CDKAL1: variants seen among roughly 807,000 people sequenced by gnomAD.
The protein encoded by CDKAL1 is CDKAL1 threonylcarbamoyladenosine tRNA methylthiotransferase.
In CDKAL1, 32 loss-of-function variants were observed where a neutral mutation model predicts 68.2. The ratio of observed to expected loss-of-function variants is 0.47; its 90% CI spans 0.35 to 0.63. CDKAL1 has a LOEUF of 0.63. Among genes scored for constraint, CDKAL1 ranks in the 30% least tolerant of loss-of-function variants. The pLI is 0.00. For synonymous variants in CDKAL1, 234 were observed against 244.3 expected, an observed-to-expected ratio of 0.96 and a Z score of 0.39; for missense variants, 606 against 696.7, an observed-to-expected ratio of 0.87 and a Z score of 1.47.
intron 4 of CDKAL1, 139 bp from the exon 5 acceptor site, chr6:20,649,154 T>G (rs767809045): frequency 6.4e-6 from 4 of 624,002 alleles, no homozygotes; most frequent in Non-Finnish European, 1.1e-5. Context: ...TTCTAGCAAT[T>G]TTCTACTGTG....
chr6:20,678,384 G>A (rs1770222542), intron 5 of CDKAL1, among the ~76,000 whole-genome samples: 1 of 152,096 alleles, frequency 6.6e-6, no homozygotes, highest in African/African-American at 2.4e-5. Flanking sequence ...TTTAATTTTA[G>A]TCATTCTGAA....
chr6:21,157,634 C>T (rs1026880221), intron 13 of CDKAL1, among the ~76,000 whole-genome samples: 2 of 152,190 alleles, frequency 1.3e-5, no homozygotes, highest in African/African-American at 2.4e-5. Context: ...GTTTGTTCCT[C>T]GTCATCCTAA....
rs146873827 is a variant in CDKAL1, at chr6:21,061,178, A to G, written c.1056-3870A>G. Among the ~76,000 whole-genome samples the G allele has an allele frequency of 2.2e-4, 33 of 152,270 alleles. No individual in the cohort carries two copies. The East Asian group carries it at 4.6e-3, about 21-fold the overall frequency. On this transcript the variant is annotated intron_variant, in intron 11 of 15. Transcript: ENST00000274695. ...TGCCTGTTCCTTACATGTCCCTGAT[A>G]TATCTTTACAAGTAATCATAGCACT... is the stretch of plus-strand genomic sequence containing the variant.
intron 9 of CDKAL1, among the ~76,000 whole-genome samples, chr6:20,854,630 A>G (rs993550517): frequency 6.6e-6 from 1 of 152,226 alleles, no homozygotes; most frequent in Non-Finnish European, 1.5e-5. Flanking sequence ...CAAGTTTGTT[A>G]CATTTGTTCA....
intron 11 of CDKAL1, among the ~76,000 whole-genome samples, chr6:21,036,535 G>T (rs899703155): frequency 3.9e-5 from 6 of 152,170 alleles, no homozygotes; most frequent in African/African-American, 1.4e-4. Context: ...ATGAGATTCA[G>T]ATATTTTCCA....
At position 20,644,671 on chromosome 6, in the gene CDKAL1, A is replaced by G. The variant is rs1400703823; in HGVS notation, c.287-4622A>G. On this transcript the variant is annotated intron_variant, in intron 4 of 15. Transcript: ENST00000274695. The stretch of plus-strand genomic sequence containing the variant: ...CAACAGAGCGAGACTCCGTCTCAAA[A>G]CAAAAACAAAAACAAAAACACAACA... 2.0e-5 allele frequency among the ~76,000 whole-genome samples: 3 copies of G among 146,864 alleles called. No homozygotes were observed. The East Asian group carries it at 5.8e-4, about 28-fold the overall frequency.
In CDKAL1 at chr6:21,230,983, G is replaced by A. The variant is rs769795415; in HGVS notation, c.1684G>A (p.Val562Met). The A allele has an allele frequency of 1.8e-5, 29 of 1,613,130 alleles. No individual in the cohort carries two copies. Among genetic ancestry groups the A allele is most frequent in the African/African-American group, 6.7e-5 (5 of 75,044 alleles). The change falls in exon 16 of 16, where the codon GTG (valine) becomes ATG (methionine). Residue 562 changes from valine to methionine, a missense_variant. Val to Met is a conservative substitution (Grantham distance 21, BLOSUM62 1). Coordinates refer to ENST00000274695, the MANE Select transcript of CDKAL1 (RefSeq NM_017774.3). The stretch of plus-strand genomic sequence containing the variant: ...TCAAGACTGTGCGCTGAGGATGTCC[G>A]TGGGCTTGGCTCTGCTGGGTCTTCT... ...LHQDCALRMS[V>M]GLALLGLLFA...
intron 5 of CDKAL1, among the ~76,000 whole-genome samples, chr6:20,703,371 TA>T (rs1474600101): frequency 6.6e-6 from 1 of 152,176 alleles, no homozygotes; most frequent in Non-Finnish European, 1.5e-5. Context: ...TCACAAAATC[TA>T]AAATATTTAT....
intron 7 of CDKAL1, among the ~76,000 whole-genome samples, chr6:20,768,928 A>G (rs567431839): frequency 6.6e-6 from 1 of 152,094 alleles, no homozygotes; most frequent in East Asian, 1.9e-4. Context: ...AATCCAGACT[A>G]TTGGGAAACT....
chr6:20,910,007 A>G (rs867835558), intron 9 of CDKAL1, among the ~76,000 whole-genome samples: 4 of 152,194 alleles, frequency 2.6e-5, no homozygotes, highest in African/African-American at 7.2e-5. Context: ...CTACATTCTC[A>G]TATTCTAAAT....
intron 11 of CDKAL1, among the ~76,000 whole-genome samples, chr6:21,011,677 G>T (rs1768029976): frequency 6.6e-6 from 1 of 152,154 alleles, no homozygotes; most frequent in Non-Finnish European, 1.5e-5. Context: ...AATCCAGTAT[G>T]CAAGGAACAT....
chr6:20,623,744 A>C (rs1297281491), intron 4 of CDKAL1, among the ~76,000 whole-genome samples: 1 of 152,030 alleles, frequency 6.6e-6, no homozygotes, highest in East Asian at 1.9e-4. Flanking sequence ...TTATCAGTCT[A>C]TTTTGATGTG....
chr6:20,668,273 G>A (rs765421807), intron 5 of CDKAL1, among the ~76,000 whole-genome samples: 28 of 151,960 alleles, frequency 1.8e-4, no homozygotes, highest in Admixed American at 1.5e-3. Flanking sequence ...CGACTTTTTT[G>A]GTAATAATTG....
intron 4 of CDKAL1, among the ~76,000 whole-genome samples, chr6:20,624,575 A>G (rs1168267692): frequency 1.3e-5 from 2 of 151,968 alleles, no homozygotes; most frequent in African/African-American, 4.8e-5. Context: ...TGCTACCACC[A>G]TGAGCCCCAC....
chr6:21,162,742 T>G (rs1351290927), intron 13 of CDKAL1, among the ~76,000 whole-genome samples: 1 of 151,558 alleles, frequency 6.6e-6, no homozygotes, highest in Non-Finnish European at 1.5e-5. Flanking sequence ...CTGGGCAACA[T>G]AGCAAGACCT....
intron 4 of CDKAL1, chr6:20,599,234 T>A (rs1263362720): frequency 3.4e-5 from 10 of 296,922 alleles, no homozygotes; most frequent in Non-Finnish European, 6.6e-5. Flanking sequence ...TTTATCACAT[T>A]TTAAAAAGTA....
chr6:20,913,490 T>C (rs996916033), intron 9 of CDKAL1, among the ~76,000 whole-genome samples: 3 of 152,206 alleles, frequency 2.0e-5, no homozygotes, highest in Non-Finnish European at 4.4e-5. Context: ...GAGGACCTAC[T>C]GCGAGAAATG....
chr6:20,548,769 T>C, intron 4 of CDKAL1, 64 bp downstream of exon 4: 2 of 732,816 alleles, frequency 2.7e-6, no homozygotes, highest in Admixed American at 2.5e-5. Context: ...TAGAGATAAA[T>C]AGCCTAGCAG....
Position 21,167,477 on chromosome 6 carries a change from A to G in CDKAL1, c.1300-30544A>G, listed in dbSNP as rs967972100. On this transcript the variant is annotated intron_variant, in intron 13 of 15. Transcript: ENST00000274695. ...ATAGATATGAAAACCCTATCCAACA[A>G]TAGCCACTTAACTTTAAATCATTTA... is the stretch of plus-strand genomic sequence containing the variant. 5.9e-5 allele frequency among the ~76,000 whole-genome samples: 9 copies of G among 152,338 alleles called. 1 individual carries two copies. Among genetic ancestry groups the G allele is most frequent in the South Asian group, 2.1e-4 (1 of 4,824 alleles).
Sources: gnomAD v4.1 joint callset for allele counts (sites outside exome capture counted in the v4.1 genomes callset) on GRCh38, gnomAD v4.1.1 for gene constraint, MANE v1.5 for transcripts, NCBI Gene and HGNC (gene_info 2026-07-23, HGNC 2026-07-21) for gene names.